Variants in MED13L observed in about 807,000 individuals in gnomAD.
MED13L encodes mediator of RNA polymerase II transcription subunit 13-like.
MED13L carries 7 observed loss-of-function variants against 220.9 expected under a neutral mutation model. The observed-to-expected ratio is 0.03, with a 90% confidence interval of 0.02 to 0.06. The LOEUF (loss-of-function observed/expected upper bound fraction) is 0.06. Ranked by LOEUF, MED13L falls within the 10% of genes least tolerant of loss-of-function variation. MED13L has a pLI of 1.00. For missense variants in MED13L, 1,965 were observed against 2,760.5 expected (o/e 0.71, Z 6.46); for synonymous variants, 1,011 against 1,015.2 (o/e 1.00, Z 0.08).
intron 2 of MED13L, among the ~76,000 whole-genome samples, chr12:116,204,823 C>CT (rs1882214421): frequency 6.6e-6 from 1 of 152,154 alleles, no homozygotes; most frequent in Non-Finnish European, 1.5e-5. Flanking sequence ...TTTTCTTAAG[C>CT]TAACCTGGCC....
At position 116,239,228 on chromosome 12, in the gene MED13L, C is replaced by T. The variant is rs17427025; in HGVS notation, c.73-1523G>A. ...CTAAAAATCAGTAACTTATATTTTA[C>T]GCTGAGATACGCAAATCTAAATTTT... On this transcript the variant is annotated intron_variant, in intron 1 of 30. Transcript: ENST00000281928. 1.3e-4 allele frequency among the ~76,000 whole-genome samples: 20 copies of T among 152,146 alleles called. 1 individual carries two copies. In the South Asian group the frequency reaches 2.1e-3, roughly 16 times the overall value.
intron 4 of MED13L, among the ~76,000 whole-genome samples, chr12:116,026,396 A>G (rs1426657266): frequency 6.6e-6 from 1 of 152,236 alleles, no homozygotes; most frequent in African/African-American, 2.4e-5. Context: ...AGAGGCACTG[A>G]AAACAAGAAA....
At chr12:116,144,200 A>C (rs890245010) in intron 2 of MED13L, among the ~76,000 whole-genome samples, 1 of 152,204 alleles carries the variant, frequency 6.6e-6, no homozygotes, top group African/African-American at 2.4e-5. Context: ...CATTTAAAAG[A>C]ATGTTTCACA....
intron 2 of MED13L, among the ~76,000 whole-genome samples, chr12:116,157,491 C>T (rs1348122017): frequency 6.6e-6 from 1 of 152,174 alleles, no homozygotes; most frequent in Non-Finnish European, 1.5e-5. Context: ...AGGATCTACA[C>T]TTTATGCCAT....
rs746103003 is a variant in MED13L, at chr12:116,006,005, G to C, written c.2345-12C>G. 16 of 1,613,736 alleles carry C rather than the reference G, an allele frequency of 9.9e-6. No individual in the cohort carries two copies. Among genetic ancestry groups the C allele is most frequent in the Non-Finnish European group, 1.0e-5 (12 of 1,179,832 alleles). ...ATCCTGCCGGACATCTGTAGGAAAGGAGGCAAAAGACACAGAATAAACAAC... is the reference window on the plus strand; with the variant it reads ...ATCCTGCCGGACATCTGTAGGAAAGCAGGCAAAAGACACAGAATAAACAAC... On this transcript the variant is annotated splice_polypyrimidine_tract_variant and intron_variant, in intron 12 of 30. Transcript: ENST00000281928.
chr12:115,976,562 A>AT (rs879638774), intron 23 of MED13L, among the ~76,000 whole-genome samples: 2 of 152,162 alleles, frequency 1.3e-5, no homozygotes, highest in African/African-American at 2.4e-5. Context: ...GTTAAATGAT[A>AT]TTTTTTTAAT....
At chr12:116,235,502 T>C (rs1267418310) in intron 2 of MED13L, among the ~76,000 whole-genome samples, 2 of 152,168 alleles carry the variant, frequency 1.3e-5, no homozygotes, top group Non-Finnish European at 2.9e-5. Context: ...GTATTTTTAT[T>C]TCTTTGTTCT....
At chr12:116,062,545 TG>T in intron 4 of MED13L, among the ~76,000 whole-genome samples, 1 of 146,196 alleles carries the variant, frequency 6.8e-6, no homozygotes, top group Non-Finnish European at 1.5e-5. Flanking sequence ...TGGTGTGCAG[TG>T]GCGCGATCTT....
intron 4 of MED13L, among the ~76,000 whole-genome samples, chr12:116,070,316 G>A (rs1870268283): frequency 6.6e-6 from 1 of 152,254 alleles, no homozygotes; most frequent in South Asian, 2.1e-4. Flanking sequence ...TCTGTAAAAT[G>A]GGGATGCTAT....
intron 1 of MED13L, among the ~76,000 whole-genome samples, chr12:116,251,717 C>T (rs1272142199): frequency 4.0e-5 from 6 of 150,326 alleles, no homozygotes; most frequent in African/African-American, 9.8e-5. Context: ...GCCAAGATCG[C>T]GCCACAGCAC....
chr12:116,087,766 T>C (rs563617633), intron 4 of MED13L, among the ~76,000 whole-genome samples: 1 of 152,290 alleles, frequency 6.6e-6, no homozygotes, highest in East Asian at 1.9e-4. Flanking sequence ...ATAAGGGCTG[T>C]TAAGAAACAT....
chr12:115,982,363 A>T lies in MED13L; in HGVS notation c.5175+21T>A, dbSNP rs145094432. 2.0e-4 allele frequency: 309 copies of T among 1,583,694 alleles called. 1 individual carries two copies. The East Asian group carries it at 4.9e-3, about 25-fold the overall frequency. On this transcript the variant is annotated intron_variant, in intron 22 of 30. Transcript: ENST00000281928. ...AAAAATAACAACATCAAAAGTAAAT[A>T]ATAAACTTGCAAACAGTAACCTGGA...
chr12:116,156,216 T>C (rs1029424436), intron 2 of MED13L, among the ~76,000 whole-genome samples: 2 of 151,954 alleles, frequency 1.3e-5, no homozygotes, highest in Non-Finnish European at 2.9e-5. Context: ...TGCAGTAGTA[T>C]AAATATCTTT....
At chr12:116,158,017 C>T (rs1018500773) in intron 2 of MED13L, among the ~76,000 whole-genome samples, 1 of 151,924 alleles carries the variant, frequency 6.6e-6, no homozygotes, top group Non-Finnish European at 1.5e-5. Flanking sequence ...GAAGACAGTC[C>T]GGAGTAAAAA....
chr12:116,140,150 C>G (rs78088860), intron 2 of MED13L, among the ~76,000 whole-genome samples: 2 of 152,034 alleles, frequency 1.3e-5, no homozygotes, highest in African/African-American at 2.4e-5. Flanking sequence ...CATACTCCCC[C>G]CCTTTCCCAG....
chr12:116,160,437 T>C (rs1003975370), intron 2 of MED13L, among the ~76,000 whole-genome samples: 6 of 152,148 alleles, frequency 3.9e-5, no homozygotes, highest in Admixed American at 1.3e-4. Flanking sequence ...AATAGTCACC[T>C]GAGAAGCAGC....
At chr12:116,199,169 A>T (rs1881842444) in intron 2 of MED13L, among the ~76,000 whole-genome samples, 1 of 151,798 alleles carries the variant, frequency 6.6e-6, no homozygotes, top group Admixed American at 6.6e-5. Flanking sequence ...TTCTGGTCCC[A>T]TTTTTTTTAT....
rs201484832 is a variant in MED13L at position 115,983,204 on chromosome 12, G to A, written c.4868C>T (p.Ala1623Val). 1.7e-5 allele frequency: 28 copies of A among 1,614,108 alleles called. No homozygotes were observed. Among genetic ancestry groups the A allele is most frequent in the Middle Eastern group, 1.6e-4 (1 of 6,062 alleles). Residue 1623 changes from alanine (A) to valine (V), a missense_variant, in exon 21 of 31, where the codon GCG (alanine) becomes GTG (valine). Ala to Val is a moderately conservative substitution (Grantham distance 64). Around this residue, in one of 10 missense-constraint regions of MED13L, gnomAD observed 510 missense variants for 620.4 expected, o/e 0.82. Coordinates refer to ENST00000281928, the MANE Select transcript of MED13L (RefSeq NM_015335.5). The stretch of plus-strand genomic sequence containing the variant: ...GCCTATGTTCCCTTGCGTTCTATCC[G>A]CAGAAATGCCCCCAGTGCTGGGGTT... ...GQNPSTGGISADRTQGNIGCG... is the reference protein window; with the variant it reads ...GQNPSTGGISVDRTQGNIGCG...
chr12:116,081,783 C>G (rs1317416576), intron 4 of MED13L, among the ~76,000 whole-genome samples: 1 of 152,184 alleles, frequency 6.6e-6, no homozygotes, highest in African/African-American at 2.4e-5. Context: ...GGAAGGATCA[C>G]CTGAGCCCAG....
Sources: gnomAD v4.1 joint callset for allele counts (sites outside exome capture counted in the v4.1 genomes callset) on GRCh38, gnomAD v4.1.1 for gene constraint, gnomAD v4.1.1 regional missense constraint, MANE v1.5 for transcripts, NCBI Gene and HGNC (gene_info 2026-07-23, HGNC 2026-07-21) for gene names.